The following CTNNBIP1 variants were observed in gnomAD, a reference collection of about 807,000 sequenced individuals.
CTNNBIP1 encodes beta-catenin-interacting protein 1.
Under a neutral mutation model 11.8 loss-of-function variants are expected in CTNNBIP1, and 7 were observed. That is an observed-to-expected ratio of 0.60 (90% CI 0.34 to 1.12). The LOEUF (loss-of-function observed/expected upper bound fraction) is 1.12. Among genes scored for constraint, CTNNBIP1 ranks in the 50% most tolerant of loss-of-function variants. CTNNBIP1 has a pLI of 0.03. For missense variants in CTNNBIP1, 101 were observed against 113.4 expected (o/e 0.89, Z 0.50); for synonymous variants, 58 against 43.9 (o/e 1.32, Z -1.26).
chr1:9,892,054 C>G (rs1019145035), intron 1 of CTNNBIP1, among the ~76,000 whole-genome samples: 14 of 152,114 alleles, frequency 9.2e-5, no homozygotes, highest in African/African-American at 3.1e-4. Flanking sequence ...GATCTGCCTA[C>G]CTCAGCCTCC....
chr1:9,891,477 C>G (rs186346046), intron 1 of CTNNBIP1, among the ~76,000 whole-genome samples: 17 of 152,344 alleles, frequency 1.1e-4, no homozygotes, highest in Admixed American at 1.0e-3. Flanking sequence ...AAGCCTCCAG[C>G]TTCCTGTGGT....
chr1:9,892,197 C>T lies in CTNNBIP1; in HGVS notation c.-143-8459G>A, dbSNP rs747785798. ...CAGCACTTTGGGAAGCTGAGGCGGG[C>T]GGATCATGAGGTCAGGAGATCAAGA... On this transcript the variant is annotated intron_variant, in intron 1 of 5. Transcript: ENST00000377263. Among the ~76,000 whole-genome samples, 168 of 151,874 alleles carry T rather than the reference C, an allele frequency of 1.1e-3. 1 individual carries two copies. Among genetic ancestry groups the T allele is most frequent in the Admixed American group, 2.0e-3 (31 of 15,282 alleles).
chr1:9,866,880 T>C (rs1160171728), intron 5 of CTNNBIP1, among the ~76,000 whole-genome samples: 1 of 151,544 alleles, frequency 6.6e-6, no homozygotes, highest in East Asian at 1.9e-4. Flanking sequence ...AGGGAGAGAA[T>C]GAAGCAGGTC....
intron 1 of CTNNBIP1, among the ~76,000 whole-genome samples, chr1:9,901,636 C>T (rs1446237979): frequency 6.6e-6 from 1 of 152,178 alleles, no homozygotes; most frequent in Non-Finnish European, 1.5e-5. Context: ...AGCCTCCTCC[C>T]CAGCTCTCCA....
chr1:9,881,306 G>A (rs1398779960), intron 2 of CTNNBIP1, among the ~76,000 whole-genome samples: 1 of 146,812 alleles, frequency 6.8e-6, no homozygotes, highest in East Asian at 2.0e-4. Flanking sequence ...TTACAGGCAT[G>A]AGCCACCACA....
At chr1:9,885,644 T>TAA (rs528856859) in intron 1 of CTNNBIP1, among the ~76,000 whole-genome samples, 21 of 133,796 alleles carry the variant, frequency 1.6e-4, no homozygotes, top group South Asian at 4.8e-4. Context: ...ACCCTGTCTC[T>TAA]AAAAAAAAAA....
intron 1 of CTNNBIP1, among the ~76,000 whole-genome samples, chr1:9,908,958 C>T (rs961483278): frequency 1.3e-5 from 2 of 152,238 alleles, no homozygotes; most frequent in African/African-American, 4.8e-5. Context: ...GTGAATGACA[C>T]ATTGGCATTT....
intron 5 of CTNNBIP1, among the ~76,000 whole-genome samples, chr1:9,862,217 G>A (rs1321702705): frequency 6.6e-6 from 1 of 152,184 alleles, no homozygotes; most frequent in Non-Finnish European, 1.5e-5. Flanking sequence ...CTAAAACCCT[G>A]ACATATTCTC....
chr1:9,900,867 AAC>A (rs2101543456), intron 1 of CTNNBIP1, among the ~76,000 whole-genome samples: 1 of 152,324 alleles, frequency 6.6e-6, no homozygotes, highest in East Asian at 1.9e-4. Context: ...CAACAGTATT[AAC>A]ACACACGGAG....
intron 2 of CTNNBIP1, among the ~76,000 whole-genome samples, chr1:9,880,715 G>A (rs1639063360): frequency 6.6e-6 from 1 of 152,156 alleles, no homozygotes; most frequent in Non-Finnish European, 1.5e-5. Flanking sequence ...AGTTTACAGA[G>A]GAAGAAACTG....
chr1:9,873,057 G>T (rs1638898374), intron 3 of CTNNBIP1, among the ~76,000 whole-genome samples: 1 of 152,118 alleles, frequency 6.6e-6, no homozygotes, highest in African/African-American at 2.4e-5. Flanking sequence ...TGGACCAGCG[G>T]GCTTTCCCAG....
In CTNNBIP1 at chr1:9,850,141, T is replaced by C. The variant is rs1638347725; in HGVS notation, c.*577A>G. The C allele has an allele frequency of 6.6e-6, 1 of 152,640 alleles. No individual in the cohort carries two copies. 9.5% of individuals were successfully genotyped at this position (152,640 alleles called of 1,614,324 possible). A position where few individuals can be genotyped will look rare whatever the true frequency, so the allele number is the denominator to read the frequency against. ...AGCAGCAAGTTCTTTGTGTAATAAA[T>C]ATTGCAAAGCGCACTTGGTTTCTTT... On this transcript the variant is annotated 3_prime_UTR_variant, in exon 6 of 6. Coordinates refer to ENST00000377263, the MANE Select transcript of CTNNBIP1 (RefSeq NM_020248.3).
At chr1:9,873,117 C>T (rs936585911) in intron 3 of CTNNBIP1, among the ~76,000 whole-genome samples, 1 of 152,144 alleles carries the variant, frequency 6.6e-6, no homozygotes, top group East Asian at 1.9e-4. Flanking sequence ...TGCCAGAGCC[C>T]GGGCAGCAGC....
intron 5 of CTNNBIP1, among the ~76,000 whole-genome samples, chr1:9,857,807 A>G (rs796744383): frequency 2.0e-5 from 3 of 152,312 alleles, no homozygotes; most frequent in African/African-American, 7.2e-5. Flanking sequence ...TCTCAAAAAC[A>G]ATAACAACAA....
chr1:9,904,192 A>T (rs573248813), intron 1 of CTNNBIP1, among the ~76,000 whole-genome samples: 1 of 152,320 alleles, frequency 6.6e-6, no homozygotes, highest in South Asian at 2.1e-4. Context: ...ATGACATATG[A>T]CTAGCAGGCA....
At chr1:9,850,800 G>T (rs1428230194) in intron 5 of CTNNBIP1, 24 bp from the exon 6 acceptor site, 3 of 1,611,322 alleles carry the variant, frequency 1.9e-6, no homozygotes, top group Admixed American at 1.7e-5. Flanking sequence ...GACAAGGATC[G>T]CTGATGGGGC....
In CTNNBIP1 at chr1:9,871,612, A is replaced by G. The variant is rs566914286; in HGVS notation, c.97-335T>C. On this transcript the variant is annotated intron_variant, in intron 4 of 5. Coordinates refer to ENST00000377263, the MANE Select transcript of CTNNBIP1 (RefSeq NM_020248.3). This position sits in a 1 kb window ranked among gnomAD's most constrained non-coding sequence, Gnocchi z 5.2. ...CTCTTTTTGAGAAATACCCCTGCAC[A>G]TGCATGCCTGCTGCCCCCTCAGCTC... Among the ~76,000 whole-genome samples, 7 of 152,262 alleles carry G rather than the reference A, an allele frequency of 4.6e-5. No homozygotes were observed. Among genetic ancestry groups the G allele is most frequent in the Non-Finnish European group, 1.0e-4 (7 of 67,996 alleles).
rs1188834359 is a variant in CTNNBIP1, at chr1:9,867,597, C to T, written c.187+3590G>A. On this transcript the variant is annotated intron_variant, in intron 5 of 5. Coordinates refer to ENST00000377263, the MANE Select transcript of CTNNBIP1 (RefSeq NM_020248.3). The surrounding 1 kb of genome is among the most constrained non-coding windows in gnomAD (Gnocchi z 4.6). ...TAGAGGAGTCCCGGGGTAGATGGAG[C>T]CTCCTCTGGCTCAGGGAACACCTAA... Among the ~76,000 whole-genome samples, 2 of 152,152 alleles carry T rather than the reference C, an allele frequency of 1.3e-5. No individual in the cohort carries two copies. Among genetic ancestry groups the T allele is most frequent in the Non-Finnish European group, 2.9e-5 (2 of 67,998 alleles).
intron 1 of CTNNBIP1, among the ~76,000 whole-genome samples, chr1:9,885,324 T>G (rs1482302309): frequency 6.6e-6 from 1 of 152,100 alleles, no homozygotes. Flanking sequence ...GAGCTGAATT[T>G]TAGACTTTAA....
Sources: allele counts gnomAD v4.1 joint callset (sites outside exome capture counted in the v4.1 genomes callset), GRCh38; gene constraint gnomAD v4.1.1; non-coding constraint Gnocchi (gnomAD v3.1); transcripts MANE v1.5; gene names NCBI Gene and HGNC (gene_info 2026-07-23, HGNC 2026-07-21).